Variants in TTC34 observed in about 807,000 individuals in gnomAD.
TTC34 encodes tetratricopeptide repeat domain 34, also known as tetratricopeptide repeat protein 34.
In TTC34, 44 loss-of-function variants were observed where a neutral mutation model predicts 40.7. The observed-to-expected ratio is 1.08, with a 90% CI of 0.85 to 1.39. The LOEUF is 1.39. TTC34 is among the 40% of genes most tolerant of loss of function. The probability of loss-of-function intolerance (pLI) is 0.00; values close to 1 mark genes in which losing one functional copy is unlikely to be tolerated. For missense variants in TTC34, 884 were observed against 838.0 expected (o/e 1.05, Z -0.68); for synonymous variants, 422 against 398.6 (o/e 1.06, Z -0.70).
chr1:2,785,877 G>T (rs61745554), exon 5 of TTC34: 1 of 1,540,244 alleles, frequency 6.5e-7, no homozygotes, highest in Non-Finnish European at 8.8e-7. Context: ...GAACCCTGCC[G>T]TCGGCCCCGC....
At chr1:2,699,691 C>A (rs1160494780) in intron 6 of TTC34, among the ~76,000 whole-genome samples, 1 of 66,250 alleles carries the variant, frequency 1.5e-5, no homozygotes, top group African/African-American at 3.9e-5. Flanking sequence ...GCAGCGCCCA[C>A]ACCTCCAGGT....
chr1:2,675,391 A>T (rs1394417982), intron 6 of TTC34, among the ~76,000 whole-genome samples: 1 of 96,828 alleles, frequency 1.0e-5, no homozygotes, highest in Admixed American at 9.9e-5. Flanking sequence ...AGCCTGGAAC[A>T]GCACGCGCAA....
intron 6 of TTC34, among the ~76,000 whole-genome samples, chr1:2,751,568 C>A (rs1257576728): frequency 4.0e-5 from 2 of 50,028 alleles, no homozygotes; most frequent in Non-Finnish European, 7.8e-5. Context: ...GCACGCACAC[C>A]CCCAGGTGCG....
At chr1:2,778,169 C>T (rs1410123325) in intron 6 of TTC34, among the ~76,000 whole-genome samples, 1 of 152,220 alleles carries the variant, frequency 6.6e-6, no homozygotes, top group Non-Finnish European at 1.5e-5. Context: ...TGGAGGCTGT[C>T]GTCCTCCTGG....
At chr1:2,698,564 A>AGTG (rs1640975671) in intron 6 of TTC34, among the ~76,000 whole-genome samples, 1 of 99,580 alleles carries the variant, frequency 1.0e-5, no homozygotes, top group African/African-American at 4.0e-5. Flanking sequence ...AGCAGCACCC[A>AGTG]CACCCCCAGA....
chr1:2,644,635 C>T (rs538819997), intron 7 of TTC34, among the ~76,000 whole-genome samples, 157 bp from the exon 8 acceptor site: 18 of 152,260 alleles, frequency 1.2e-4, no homozygotes, highest in South Asian at 6.2e-4. Context: ...AGAGGTGCAC[C>T]GTGATTCCAG....
chr1:2,775,153 AG>A (rs1313320336), intron 6 of TTC34: 3 of 138,842 alleles, frequency 2.2e-5, no homozygotes, highest in Non-Finnish European at 4.6e-5. Context: ...CCACTCTTCC[AG>A]GTGAGAATCT....
At chr1:2,769,627 A>C (rs1641976622) in intron 6 of TTC34, among the ~76,000 whole-genome samples, 2 of 124,010 alleles carry the variant, frequency 1.6e-5, no homozygotes, top group African/African-American at 6.6e-5. Context: ...AACAGCACCC[A>C]CACCCCCAGG....
intron 6 of TTC34, among the ~76,000 whole-genome samples, chr1:2,684,446 A>C (rs1215201005): frequency 2.2e-5 from 3 of 138,930 alleles, no homozygotes; most frequent in Admixed American, 7.2e-5. Flanking sequence ...CCCCCAGGTG[A>C]GCATCTGACG....
chr1:2,748,211 C>T (rs1281323235), intron 6 of TTC34, among the ~76,000 whole-genome samples: 2 of 92,338 alleles, frequency 2.2e-5, no homozygotes, highest in Non-Finnish European at 4.0e-5. Context: ...CCCAGGCGAG[C>T]ATCTGACAGC....
At position 2,751,488 on chromosome 1, in the gene TTC34, C is replaced by A. The variant is rs1172660436; in HGVS notation, c.2226+32121G>T. On this transcript the variant is annotated intron_variant, in intron 6 of 8. Transcript: ENST00000401095. ...GACAGACTGGAACTGCACCCCCATGCCCAGGTGAGCCTCTGACAGCCTTGA... is the reference window on the plus strand; with the variant it reads ...GACAGACTGGAACTGCACCCCCATGACCAGGTGAGCCTCTGACAGCCTTGA... 3.8e-5 allele frequency among the ~76,000 whole-genome samples: 4 copies of A among 106,510 alleles called. 1 individual carries two copies. Among genetic ancestry groups the A allele is most frequent in the Non-Finnish European group, 7.4e-5 (4 of 53,926 alleles). 69.9% of individuals were successfully genotyped at this position (106,510 alleles called of 152,430 possible). A position where few individuals can be genotyped will look rare whatever the true frequency, so the allele number is the denominator to read the frequency against.
At chr1:2,769,724 A>C (rs1641992756) in intron 6 of TTC34, among the ~76,000 whole-genome samples, 1 of 149,462 alleles carries the variant, frequency 6.7e-6, no homozygotes, top group East Asian at 2.0e-4. Flanking sequence ...CCAGGTGAGC[A>C]TCTGACAGCC....
intron 6 of TTC34, among the ~76,000 whole-genome samples, chr1:2,688,113 G>A (rs1159447095): frequency 5.9e-4 from 90 of 151,308 alleles, no homozygotes; most frequent in Admixed American, 8.6e-4. Flanking sequence ...TGACAGCCTG[G>A]AACAGCACCC....
At chr1:2,671,795 A>G (rs1248465359) in intron 6 of TTC34, among the ~76,000 whole-genome samples, 2 of 150,642 alleles carry the variant, frequency 1.3e-5, no homozygotes, top group African/African-American at 5.0e-5. Context: ...CCACACACCG[A>G]GGTGAGCATC....
rs1379084338 is a variant in TTC34 at position 2,786,073 on chromosome 1, G to A, written c.1855-50C>T. On this transcript the variant is annotated intron_variant, in intron 4 of 8. Coordinates refer to ENST00000401095, the Ensembl canonical transcript of TTC34. ...CCATGCCCTTGGGACCGATGCCCTG[G>A]AGCCCACCCTGTACTGACGCCCCTG... is the stretch of plus-strand genomic sequence containing the variant. 3.6e-6 allele frequency: 5 copies of A among 1,408,130 alleles called. No individual in the cohort carries two copies. In the South Asian group the frequency reaches 7.8e-5, roughly 22 times the overall value. 87.2% of individuals were successfully genotyped at this position (1,408,130 alleles called of 1,614,324 possible).
chr1:2,785,880 G>T, exon 5 of TTC34: 1 of 1,539,108 alleles, frequency 6.5e-7, no homozygotes, highest in East Asian at 2.5e-5. Flanking sequence ...CCCTGCCGTC[G>T]GCCCCGCCTG....
intron 6 of TTC34, among the ~76,000 whole-genome samples, chr1:2,694,948 A>T (rs1036137202): frequency 8.9e-6 from 1 of 112,368 alleles, no homozygotes; most frequent in East Asian, 2.4e-4. Context: ...AGCAGCACCC[A>T]CACCCCCAGG....
intron 6 of TTC34, among the ~76,000 whole-genome samples, chr1:2,690,119 G>GGAACAGCA (rs1640548459): frequency 6.9e-6 from 1 of 145,826 alleles, no homozygotes; most frequent in Non-Finnish European, 1.5e-5. Context: ...GTATCTGACT[G>GGAACAGCA]CCTGGAACAG....
At chr1:2,644,047 C>A (rs536616795) in intron 8 of TTC34, among the ~76,000 whole-genome samples, 52 of 152,344 alleles carry the variant, frequency 3.4e-4, no homozygotes, top group African/African-American at 1.2e-3. Context: ...ACTTCCCATA[C>A]AAAGAGGCTG....
Sources: gnomAD v4.1 joint callset for allele counts (sites outside exome capture counted in the v4.1 genomes callset) on GRCh38, gnomAD v4.1.1 for gene constraint, MANE v1.5 for transcripts, NCBI Gene and HGNC (gene_info 2026-07-23, HGNC 2026-07-21) for gene names.